The following DAB1 variants were observed in gnomAD, a reference collection of about 807,000 sequenced individuals.
DAB1 encodes disabled homolog 1.
In DAB1, 15 loss-of-function variants were observed where a neutral mutation model predicts 64.6. That is an observed-to-expected ratio of 0.23 (90% confidence interval 0.16 to 0.36). DAB1 has a LOEUF of 0.36. Among genes scored for constraint, DAB1 ranks in the 10% least tolerant of loss-of-function variants. DAB1 has a pLI of 1.00. For synonymous variants in DAB1, 235 were observed against 251.9 expected (o/e 0.93, Z 0.64); for missense variants, 596 against 706.7 (o/e 0.84, Z 1.78).
intron 1 of DAB1, among the ~76,000 whole-genome samples, chr1:57,303,328 T>C (rs1022399600): frequency 1.3e-5 from 2 of 152,192 alleles, no homozygotes; most frequent in Non-Finnish European, 2.9e-5. Flanking sequence ...AGGAGTTGTA[T>C]GTGTTACTGC....
intron 6 of DAB1, among the ~76,000 whole-genome samples, chr1:57,747,359 G>T (rs1480212767): frequency 6.6e-6 from 1 of 152,010 alleles, no homozygotes; most frequent in African/African-American, 2.4e-5. Context: ...TCTACCTGAG[G>T]GGTACTTAGG....
intron 2 of DAB1, among the ~76,000 whole-genome samples, chr1:57,244,439 T>C (rs1324419190): frequency 6.6e-6 from 1 of 152,214 alleles, no homozygotes; most frequent in East Asian, 1.9e-4. Flanking sequence ...TGAGTCTTTA[T>C]TCCATGACTT....
chr1:57,025,485 G>A (rs977755749), intron 10 of DAB1, among the ~76,000 whole-genome samples: 2 of 152,166 alleles, frequency 1.3e-5, no homozygotes, highest in East Asian at 3.9e-4. Context: ...AGGAAAGAAA[G>A]AGGGAAAGGA....
intron 3 of DAB1, among the ~76,000 whole-genome samples, chr1:58,431,504 G>A (rs547426978): frequency 1.4e-5 from 2 of 142,592 alleles, no homozygotes; most frequent in Admixed American, 1.4e-4. Flanking sequence ...GTTGCAGTGA[G>A]CCGAGATCAC....
At chr1:58,538,830 T>C (rs776949426) in intron 1 of DAB1, 7 of 864,080 alleles carry the variant, frequency 8.1e-6, no homozygotes, top group African/African-American at 1.6e-5. Context: ...TCTGTACTGG[T>C]TTAAGAATCA....
intron 4 of DAB1, 55 bp from the exon 5 acceptor site, chr1:57,072,469 T>C: frequency 1.9e-6 from 3 of 1,591,072 alleles, no homozygotes; most frequent in Non-Finnish European, 1.7e-6. Context: ...CTTCGAGCTG[T>C]TGATCAATAA....
chr1:58,405,568 C>T (rs1245905205), intron 3 of DAB1, among the ~76,000 whole-genome samples: 2 of 152,098 alleles, frequency 1.3e-5, no homozygotes, highest in Admixed American at 6.5e-5. Flanking sequence ...CCACATTGCC[C>T]AGGCTGGTCT....
At chr1:57,896,632 A>T (rs904925665) in intron 5 of DAB1, among the ~76,000 whole-genome samples, 7 of 151,642 alleles carry the variant, frequency 4.6e-5, no homozygotes, top group Non-Finnish European at 8.8e-5. Context: ...GTTGCTTAAC[A>T]TCTCTGGGCT....
chr1:57,258,773 G>A (rs1228478852), intron 2 of DAB1, among the ~76,000 whole-genome samples: 1 of 152,090 alleles, frequency 6.6e-6, no homozygotes, highest in Admixed American at 6.5e-5. Flanking sequence ...GACACATCGA[G>A]TCTTAAATAG....
At chr1:58,501,180 T>C (rs1645900746) in intron 3 of DAB1, among the ~76,000 whole-genome samples, 1 of 152,230 alleles carries the variant, frequency 6.6e-6, no homozygotes, top group Non-Finnish European at 1.5e-5. Flanking sequence ...TAAATGCTAA[T>C]GGATCACAAG....
intron 4 of DAB1, among the ~76,000 whole-genome samples, chr1:57,080,958 GT>G (rs1303158749): frequency 6.6e-6 from 1 of 152,146 alleles, no homozygotes; most frequent in Non-Finnish European, 1.5e-5. Flanking sequence ...GGTGCACTAG[GT>G]TCTGGAGACA....
At chr1:58,361,041 T>C (rs1268078366) in intron 3 of DAB1, among the ~76,000 whole-genome samples, 1 of 152,194 alleles carries the variant, frequency 6.6e-6, no homozygotes. Flanking sequence ...AAAGATGATT[T>C]AGAAAGTAAC....
At chr1:57,676,450 C>A (rs778533486) in intron 6 of DAB1, among the ~76,000 whole-genome samples, 2 of 152,134 alleles carry the variant, frequency 1.3e-5, no homozygotes, top group Admixed American at 6.5e-5. Flanking sequence ...TAGGATAGCT[C>A]TTATATACCA....
chr1:58,476,518 G>A (rs1299476321), intron 3 of DAB1, among the ~76,000 whole-genome samples: 1 of 152,196 alleles, frequency 6.6e-6, no homozygotes, highest in African/African-American at 2.4e-5. Flanking sequence ...CTGGGAGCGA[G>A]CCACTGGCCT....
chr1:57,136,684 T>C, intron 3 of DAB1, 43 bp from the exon 4 acceptor site: 1 of 1,368,576 alleles, frequency 7.3e-7, no homozygotes, highest in South Asian at 1.5e-5. Flanking sequence ...GTGTTTTCAT[T>C]TGAAAATTCT....
intron 4 of DAB1, among the ~76,000 whole-genome samples, chr1:58,293,577 C>T (rs1661898907): frequency 6.7e-6 from 1 of 149,490 alleles, no homozygotes; most frequent in Non-Finnish European, 1.5e-5. Context: ...CACTGGAAAC[C>T]ACAGGAGAAT....
chr1:58,317,750 T>G (rs1662590358), intron 4 of DAB1, among the ~76,000 whole-genome samples: 1 of 152,240 alleles, frequency 6.6e-6, no homozygotes, highest in Non-Finnish European at 1.5e-5. Context: ...CCTCTGAGCC[T>G]GTCTGGACTG....
chr1:57,271,885 C>T (rs59285318), intron 2 of DAB1, among the ~76,000 whole-genome samples: 1,982 of 152,270 alleles, frequency 0.013, 45 homozygotes, highest in African/African-American at 0.043. Context: ...TGGCCACCAT[C>T]AGAGCTGGGC....
At chr1:57,590,735 AACACACAC>A (rs58957864) in intron 7 of DAB1, among the ~76,000 whole-genome samples, 25,886 of 132,326 alleles carry the variant, frequency 0.2, 2,652 homozygotes, top group East Asian at 0.32. Context: ...TGTAGTCCGT[AACACACAC>A]ACACACACAC....
Sources: gnomAD v4.1 joint callset for allele counts (sites outside exome capture counted in the v4.1 genomes callset) on GRCh38, gnomAD v4.1.1 for gene constraint, MANE v1.5 for transcripts, NCBI Gene and HGNC (gene_info 2026-07-23, HGNC 2026-07-21) for gene names.